NCAM1: variants seen among roughly 807,000 people sequenced by gnomAD.
The protein encoded by NCAM1 is antigen recognized by monoclonal antibody 5.1H11.
A neutral mutation model predicts 109.8 loss-of-function variants in NCAM1; 14 were observed. The observed-to-expected ratio is 0.13, with a 90% CI of 0.08 to 0.20. The LOEUF (loss-of-function observed/expected upper bound fraction) is 0.20. NCAM1 is among the 10% of genes least tolerant of loss of function. The probability of loss-of-function intolerance (pLI) is 1.00; values close to 1 mark genes in which losing one functional copy is unlikely to be tolerated. For missense variants in NCAM1, 774 were observed against 1,109.9 expected (o/e 0.70, Z 4.30); for synonymous variants, 418 against 442.9 (o/e 0.94, Z 0.70).
chr11:113,265,093 G>C, intron 17 of NCAM1: 1 of 985,396 alleles, frequency 1.0e-6, no homozygotes, highest in Non-Finnish European at 1.2e-6. Flanking sequence ...TTTGGATCAT[G>C]TTTTTCTACT....
rs187012738 is a variant in NCAM1, at chr11:113,158,296, G to A, written c.53-44083G>A. Among the ~76,000 whole-genome samples the A allele has an allele frequency of 7.5e-3, 1,134 of 152,188 alleles. 7 individuals are homozygous for A. Among genetic ancestry groups the A allele is most frequent in the African/African-American group, 0.025 (1,042 of 41,544 alleles). On this transcript the variant is annotated intron_variant, in intron 1 of 19. Transcript: ENST00000316851. The stretch of plus-strand genomic sequence containing the variant: ...TGACAGGCTTACTTCATTCATTGTT[G>A]GGAAAATGTCTTCCAGAGACCCAAG...
intron 9 of NCAM1, among the ~76,000 whole-genome samples, chr11:113,228,290 CA>C (rs1286025161): frequency 1.3e-5 from 2 of 152,132 alleles, no homozygotes; most frequent in African/African-American, 4.8e-5. Context: ...ACACCAATAA[CA>C]GACAAACAGA....
chr11:113,214,641 G>A (rs782722769), intron 8 of NCAM1, 130 bp downstream of exon 8: 117 of 1,031,874 alleles, frequency 1.1e-4, no homozygotes, highest in Admixed American at 6.5e-4. Context: ...GCCAGATCCC[G>A]GGGCCTCCCT....
At chr11:113,174,603 C>G (rs1943091834) in intron 1 of NCAM1, among the ~76,000 whole-genome samples, 2 of 152,216 alleles carry the variant, frequency 1.3e-5, no homozygotes, top group African/African-American at 4.8e-5. Flanking sequence ...ATGTCCCTAC[C>G]TGGCTCATCT....
At chr11:113,238,403 A>G (rs988413103) in intron 14 of NCAM1, among the ~76,000 whole-genome samples, 9 of 152,162 alleles carry the variant, frequency 5.9e-5, no homozygotes, top group African/African-American at 7.2e-5. Flanking sequence ...ACCAAAGATA[A>G]CTTATTATGG....
At chr11:113,252,402 T>C (rs1945707593) in intron 15 of NCAM1, among the ~76,000 whole-genome samples, 1 of 126,892 alleles carries the variant, frequency 7.9e-6, no homozygotes, top group African/African-American at 3.2e-5. Context: ...CAAGACCCTG[T>C]CTCAAAAAAA....
intron 1 of NCAM1, among the ~76,000 whole-genome samples, chr11:112,977,052 G>A (rs1310644753): frequency 2.0e-5 from 3 of 151,510 alleles, no homozygotes; most frequent in Non-Finnish European, 3.0e-5. Flanking sequence ...TGAGACAAGT[G>A]AAATCTTTAT....
At chr11:112,984,861 T>G (rs1223175117) in intron 1 of NCAM1, among the ~76,000 whole-genome samples, 1 of 151,988 alleles carries the variant, frequency 6.6e-6, no homozygotes. Flanking sequence ...CCTTTTCTAT[T>G]TTTGATTGTT....
intron 1 of NCAM1, among the ~76,000 whole-genome samples, chr11:113,187,665 A>G (rs781875583): frequency 3.9e-5 from 6 of 152,030 alleles, no homozygotes; most frequent in Non-Finnish European, 7.4e-5. Flanking sequence ...GGAACGCTCC[A>G]TGAAATGTGA....
At position 113,167,464 on chromosome 11, in the gene NCAM1, T is replaced by G. The variant is rs190857284; in HGVS notation, c.53-34915T>G. ...GGCCACTTCTCCACAGGCCTTCCTG[T>G]GAAGGTGGGTGTCATTTGCTATAGG... On this transcript the variant is annotated intron_variant, in intron 1 of 19. Coordinates refer to ENST00000316851, the MANE Select transcript of NCAM1 (RefSeq NM_181351.5). 4.6e-5 allele frequency among the ~76,000 whole-genome samples: 7 copies of G among 151,172 alleles called. No homozygotes were observed. The East Asian group carries it at 1.4e-3, about 29-fold the overall frequency.
At chr11:112,976,489 G>A (rs540710899) in intron 1 of NCAM1, among the ~76,000 whole-genome samples, 19 of 152,050 alleles carry the variant, frequency 1.2e-4, no homozygotes, top group African/African-American at 4.3e-4. Context: ...AGATTGATTT[G>A]GTGGGATTGG....
At chr11:113,047,063 A>G (rs1953296321) in intron 1 of NCAM1, among the ~76,000 whole-genome samples, 1 of 152,212 alleles carries the variant, frequency 6.6e-6, no homozygotes, top group South Asian at 2.1e-4. Flanking sequence ...GGGAACAGCA[A>G]CGTAGGCACT....
Position 113,220,719 on chromosome 11 carries a change from G to T in NCAM1, c.1060-577G>T, listed in dbSNP as rs568385486. ...CCTTCCGGGTTCACGCCATTCTCCT[G>T]CCCCAGCCTCCCGAATAGCTGGGAC... On this transcript the variant is annotated intron_variant, in intron 8 of 19. Transcript: ENST00000316851. Among the ~76,000 whole-genome samples the T allele has an allele frequency of 1.6e-3, 230 of 146,990 alleles. 1 individual carries two copies. The highest frequency in any genetic ancestry group is 2.8e-3 in the Non-Finnish European group (190 of 67,512).
rs549746508 is a variant in NCAM1 at position 113,277,594 on chromosome 11, G to A, written c.*2207G>A. 4.5e-4 allele frequency: 179 copies of A among 395,862 alleles called. No homozygotes were observed. The highest frequency in any genetic ancestry group is 7.5e-4 in the Non-Finnish European group (168 of 225,082). 24.5% of individuals were successfully genotyped at this position (395,862 alleles called of 1,614,324 possible). A position where few individuals can be genotyped will look rare whatever the true frequency, so the allele number is the denominator to read the frequency against. On this transcript the variant is annotated 3_prime_UTR_variant, in exon 20 of 20. Transcript: ENST00000316851. ...ACTCAGTTCTTCATCTTGTAATGTCGATGGCTTTGCCACACCAGGCCAAGC... is the reference window on the plus strand; with the variant it reads ...ACTCAGTTCTTCATCTTGTAATGTCAATGGCTTTGCCACACCAGGCCAAGC...
intron 1 of NCAM1, among the ~76,000 whole-genome samples, chr11:113,041,914 G>T (rs1393562867): frequency 6.6e-6 from 1 of 152,116 alleles, no homozygotes; most frequent in African/African-American, 2.4e-5. Context: ...GCTCTGAAAA[G>T]AGTCCCCTCA....
Position 113,235,179 on chromosome 11 carries a change from C to T in NCAM1, c.1825+15C>T, listed in dbSNP as rs1362375610. 6.2e-7 allele frequency: 1 copy of T among 1,613,774 alleles called. No homozygotes were observed. Among genetic ancestry groups the T allele is most frequent in the African/African-American group, 1.3e-5 (1 of 74,944 alleles). The stretch of plus-strand genomic sequence containing the variant: ...GCAGCCAGTCCGTAAGTAAAGCCAG[C>T]TGCCCCCCTTTTCCCAGCCCACCTT... On this transcript the variant is annotated intron_variant, in intron 14 of 19. Coordinates refer to ENST00000316851, the MANE Select transcript of NCAM1 (RefSeq NM_181351.5).
intron 1 of NCAM1, among the ~76,000 whole-genome samples, chr11:112,980,140 G>A (rs2134664615): frequency 6.6e-6 from 1 of 151,898 alleles, no homozygotes; most frequent in East Asian, 1.9e-4. Flanking sequence ...AAGCCACAGT[G>A]AGATACCACT....
intron 1 of NCAM1, among the ~76,000 whole-genome samples, chr11:113,088,849 TG>T (rs1355873131): frequency 1.3e-5 from 2 of 152,212 alleles, no homozygotes; most frequent in African/African-American, 4.8e-5. Context: ...TTTAGTGACT[TG>T]TTTTGCTGGA....
chr11:113,264,512 G>A lies in NCAM1; in HGVS notation c.2131+4189G>A, dbSNP rs1207497264. On this transcript the variant is annotated intron_variant, in intron 17 of 19. Transcript: ENST00000316851. ...ACACCAGGGCAGTGGAGGCAGGCAT[G>A]GTTTTTGGGCACAGGGCAGAGCATA... 6.1e-6 allele frequency: 6 copies of A among 985,540 alleles called. No individual in the cohort carries two copies. The African/African-American group carries it at 1.0e-4, about 17-fold the overall frequency. 61.0% of individuals were successfully genotyped at this position (985,540 alleles called of 1,614,324 possible).
Sources: allele counts gnomAD v4.1 joint callset (sites outside exome capture counted in the v4.1 genomes callset), GRCh38; gene constraint gnomAD v4.1.1; transcripts MANE v1.5; gene names NCBI Gene and HGNC (gene_info 2026-07-23, HGNC 2026-07-21).